The following SLC9A3 variants were observed in gnomAD, a reference collection of about 807,000 sequenced individuals.
The protein encoded by SLC9A3 is solute carrier family 9 member A3.
Under a neutral mutation model 86.8 loss-of-function variants are expected in SLC9A3, and 37 were observed. The ratio of observed to expected loss-of-function variants is 0.43; its 90% CI spans 0.33 to 0.56. The LOEUF is 0.56. Among genes scored for constraint, SLC9A3 ranks in the 20% least tolerant of loss-of-function variants. The pLI, the probability that SLC9A3 is intolerant of heterozygous loss-of-function variation, is 0.06. For missense variants in SLC9A3, 1,011 were observed against 1,171.9 expected, an observed-to-expected ratio of 0.86 and a Z score of 2.00; for synonymous variants, 581 against 528.3, an observed-to-expected ratio of 1.10 and a Z score of -1.37.
chr5:494,577 A>G (rs553558398), intron 1 of SLC9A3, among the ~76,000 whole-genome samples: 4 of 152,110 alleles, frequency 2.6e-5, no homozygotes, highest in African/African-American at 7.2e-5. Flanking sequence ...GATTTTTTTA[A>G]TAATGTCCAG....
At chr5:488,527 A>T (rs1458016549) in intron 2 of SLC9A3, 51 bp from the exon 3 acceptor site, 1 of 1,474,384 alleles carries the variant, frequency 6.8e-7, no homozygotes, top group South Asian at 1.4e-5. Flanking sequence ...CCACCCGAGG[A>T]GGAGGGCCCT....
At chr5:521,596 A>G (rs1224204684) in intron 1 of SLC9A3, among the ~76,000 whole-genome samples, 1 of 152,126 alleles carries the variant, frequency 6.6e-6, no homozygotes, top group Non-Finnish European at 1.5e-5. Flanking sequence ...AGACTGAAAG[A>G]GTGTGGCCAA....
At chr5:506,532 C>T (rs1740591274) in intron 1 of SLC9A3, among the ~76,000 whole-genome samples, 1 of 152,210 alleles carries the variant, frequency 6.6e-6, no homozygotes, top group Non-Finnish European at 1.5e-5. Context: ...GCTGGGACAG[C>T]AGCAAACCAG....
chr5:507,019 C>T (rs1043001189), intron 1 of SLC9A3, among the ~76,000 whole-genome samples: 1 of 148,982 alleles, frequency 6.7e-6, no homozygotes, highest in Non-Finnish European at 1.5e-5. Context: ...TGTGGTGAGC[C>T]GAGATCGAGA....
In SLC9A3 at chr5:475,584, TC is replaced by T; in HGVS notation, c.2227del (p.Asp743ThrfsTer59). On this transcript the variant is annotated frameshift_variant, in exon 15 of 17. Transcript: ENST00000264938. LOFTEE classifies it high-confidence loss of function. ...GIEFLASVTK[D>X]TASDSPAGID... Reference sequence around the variant, plus strand: ...ACCTGCAGGGGAGTCGGACGCTGTGTCCTTGGTGACACTAGCCAGGAACTCG... The same window carrying T: ...ACCTGCAGGGGAGTCGGACGCTGTGTCTTGGTGACACTAGCCAGGAACTCG... 6.4e-7 allele frequency: 1 copy of T among 1,550,720 alleles called. No homozygotes were observed. The highest frequency in any genetic ancestry group is 8.7e-7 in the Non-Finnish European group (1 of 1,145,716).
In SLC9A3 at chr5:477,397, G is replaced by A; in HGVS notation, c.1695C>T (p.Asp565=). Residue 565 remains aspartate (D), a synonymous_variant, in exon 11 of 17, where the codon GAC becomes GAT. Transcript: ENST00000264938. ...SLAFIRSPST[D]NVVNVDFTPR... is the part of the protein sequence containing the mutation. The stretch of plus-strand genomic sequence containing the variant: ...GCGTGAAGTCCACGTTGACCACGTT[G>A]TCGGTGCTGGGGGAGCGGATGAAGG... 6.2e-7 allele frequency: 1 copy of A among 1,613,268 alleles called. No individual in the cohort carries two copies. Among genetic ancestry groups the A allele is most frequent in the Non-Finnish European group, 8.5e-7 (1 of 1,179,832 alleles).
At chr5:488,555 C>T (rs565794691) in intron 2 of SLC9A3, 79 bp from the exon 3 acceptor site, 36 of 1,396,834 alleles carry the variant, frequency 2.6e-5, no homozygotes, top group South Asian at 1.8e-4. Flanking sequence ...CGCTCGCCTA[C>T]GGGTCGGGGT....
At chr5:493,973 T>A (rs1372008319) in intron 1 of SLC9A3, among the ~76,000 whole-genome samples, 1 of 152,070 alleles carries the variant, frequency 6.6e-6, no homozygotes, top group South Asian at 2.1e-4. Context: ...GGGCCTGGCC[T>A]GGAATGAGGG....
At chr5:506,083 T>C (rs1041995716) in intron 1 of SLC9A3, among the ~76,000 whole-genome samples, 3 of 152,014 alleles carry the variant, frequency 2.0e-5, no homozygotes, top group South Asian at 2.1e-4. Flanking sequence ...TTTGTGCAGG[T>C]AGACGGTGAG....
chr5:491,207 G>A lies in SLC9A3; in HGVS notation c.514+562C>T, dbSNP rs918614599. Among the ~76,000 whole-genome samples, 8 of 152,166 alleles carry A rather than the reference G, an allele frequency of 5.3e-5. No homozygotes were observed. The highest frequency in any genetic ancestry group is 2.0e-4 in the Admixed American group (3 of 15,286). On this transcript the variant is annotated intron_variant, in intron 2 of 16. Coordinates refer to ENST00000264938, the MANE Select transcript of SLC9A3 (RefSeq NM_004174.4). This position sits in a 1 kb window ranked among gnomAD's most constrained non-coding sequence, Gnocchi z 9.2. ...ACCTGGTCAAAGCTGTAGCATCCCC[G>A]GCAGCAGCGGCGGGCATCAGGGCTG...
At chr5:523,552 G>A (rs1186971910) in intron 1 of SLC9A3, among the ~76,000 whole-genome samples, 3 of 151,036 alleles carry the variant, frequency 2.0e-5, no homozygotes, top group Non-Finnish European at 2.9e-5. Context: ...CCACATTACT[G>A]GTTCATTGGC....
At chr5:488,038 G>C (rs918757507) in intron 3 of SLC9A3, among the ~76,000 whole-genome samples, 3 of 152,252 alleles carry the variant, frequency 2.0e-5, no homozygotes, top group Admixed American at 1.3e-4. Flanking sequence ...GACGCTCTGG[G>C]GACCAGGAGG....
At chr5:485,075 A>G in intron 4 of SLC9A3, 78 bp downstream of exon 4, 11 of 1,101,418 alleles carry the variant, frequency 1.0e-5, no homozygotes, top group South Asian at 6.2e-5. Context: ...TTTTTCCTGC[A>G]TGGGCTGCAG....
chr5:507,074 CAAAAAATA>C (rs745874253), intron 1 of SLC9A3, among the ~76,000 whole-genome samples: 2 of 78,152 alleles, frequency 2.6e-5, no homozygotes, highest in Non-Finnish European at 5.3e-5. Flanking sequence ...GATACTGTCT[CAAAAAATA>C]AATAAATAAA....
Position 482,769 on chromosome 5 carries a change from G to A in SLC9A3, c.1154-19C>T, listed in dbSNP as rs375691765. The stretch of plus-strand genomic sequence containing the variant: ...ACCACACCTGCGGATGATGGGGCGG[G>A]CACTCAGCTCCCCGGCCGCCCTCCC... On this transcript the variant is annotated intron_variant, in intron 6 of 16. Coordinates refer to ENST00000264938, the MANE Select transcript of SLC9A3 (RefSeq NM_004174.4). The A allele has an allele frequency of 1.3e-6, 2 of 1,574,204 alleles. No individual in the cohort carries two copies. The highest frequency in any genetic ancestry group is 1.9e-5 in the Admixed American group (1 of 54,006).
intron 1 of SLC9A3, among the ~76,000 whole-genome samples, chr5:504,460 C>T (rs536091310): frequency 6.6e-6 from 1 of 152,322 alleles, no homozygotes; most frequent in South Asian, 2.1e-4. Context: ...GGATTTGGCC[C>T]TCGGGAGAGA....
intron 3 of SLC9A3, among the ~76,000 whole-genome samples, chr5:486,964 CGTGAT>C (rs1739508362): frequency 1.6e-5 from 1 of 64,472 alleles, no homozygotes; most frequent in African/African-American, 4.1e-5. Context: ...ACACTGACAC[CGTGAT>C]CCAGACCGCA....
chr5:475,421 G>T (rs533584002), intron 15 of SLC9A3, 140 bp downstream of exon 15: 1 of 637,820 alleles, frequency 1.6e-6, no homozygotes, highest in South Asian at 1.9e-5. Flanking sequence ...CACTCAGTGG[G>T]TGCCAAGCAG....
chr5:510,247 G>A (rs1007758212), intron 1 of SLC9A3, among the ~76,000 whole-genome samples: 3 of 152,248 alleles, frequency 2.0e-5, no homozygotes, highest in Non-Finnish European at 2.9e-5. Flanking sequence ...GCCAGATGCT[G>A]TGTGGGAAAG....
Sources: allele counts gnomAD v4.1 joint callset (sites outside exome capture counted in the v4.1 genomes callset), GRCh38; gene constraint gnomAD v4.1.1; non-coding constraint Gnocchi (gnomAD v3.1); transcripts MANE v1.5; gene names NCBI Gene and HGNC (gene_info 2026-07-23, HGNC 2026-07-21).